SP140L: variants seen among roughly 807,000 people sequenced by gnomAD.
SP140L encodes SP140 like nuclear body protein, also known as nuclear body protein SP140-like protein.
In SP140L, 64 loss-of-function variants were observed where a neutral mutation model predicts 84.3. The ratio of observed to expected loss-of-function variants is 0.76; its 90% confidence interval spans 0.62 to 0.94. The LOEUF is 0.94. Among genes scored for constraint, SP140L ranks in the 40% least tolerant of loss-of-function variants. SP140L has a pLI of 0.00. For synonymous variants in SP140L, 242 were observed against 236.9 expected (o/e 1.02, Z -0.20); for missense variants, 628 against 692.5 (o/e 0.91, Z 1.05).
intron 2 of SP140L, among the ~76,000 whole-genome samples, chr2:230,336,005 G>A (rs2059866932): frequency 6.6e-6 from 1 of 152,118 alleles, no homozygotes. Context: ...AATATGGCCA[G>A]GACTCACATA....
chr2:230,396,020 A>G (rs935276662), intron 13 of SP140L, among the ~76,000 whole-genome samples: 4 of 152,176 alleles, frequency 2.6e-5, no homozygotes, highest in African/African-American at 9.7e-5. Flanking sequence ...GGCCTCCAGG[A>G]CTCTGGGCCC....
intron 13 of SP140L, among the ~76,000 whole-genome samples, chr2:230,396,295 A>T (rs1298216618): frequency 6.6e-6 from 1 of 152,180 alleles, no homozygotes; most frequent in East Asian, 1.9e-4. Context: ...ATCAGATATG[A>T]GGTAAAGGGA....
intron 16 of SP140L, 80 bp from the exon 17 acceptor site, chr2:230,401,286 G>A: frequency 3.1e-6 from 5 of 1,610,360 alleles, no homozygotes; most frequent in East Asian, 2.2e-5. Context: ...GAAGAAGGGT[G>A]TGAGTCGTGT....
chr2:230,354,842 A>AAG (rs1290729833), intron 2 of SP140L, among the ~76,000 whole-genome samples: 8 of 126,488 alleles, frequency 6.3e-5, no homozygotes, highest in Non-Finnish European at 1.0e-4. Context: ...ACAAGAAAGA[A>AAG]AGAAAGGAAA....
At chr2:230,365,645 A>G (rs1420880786) in intron 5 of SP140L, among the ~76,000 whole-genome samples, 6 of 151,494 alleles carry the variant, frequency 4.0e-5, no homozygotes, top group Admixed American at 3.9e-4. Flanking sequence ...CTGATCTAAT[A>G]TTTATTATTT....
At chr2:230,385,929 G>A (rs1474173222) in intron 9 of SP140L, among the ~76,000 whole-genome samples, 1 of 152,162 alleles carries the variant, frequency 6.6e-6, no homozygotes, top group Non-Finnish European at 1.5e-5. Flanking sequence ...GATTGGGGAG[G>A]TGAGAGAAAG....
intron 5 of SP140L, among the ~76,000 whole-genome samples, chr2:230,367,295 C>CTTTTTTTTTT (rs200306286): frequency 6.0e-4 from 71 of 118,036 alleles, no homozygotes; most frequent in Non-Finnish European, 7.8e-4. Flanking sequence ...TCTTTTTTTT[C>CTTTTTTTTTT]TTTTTTTTTT....
At chr2:230,388,309 T>C (rs1042037565) in intron 9 of SP140L, among the ~76,000 whole-genome samples, 2 of 152,186 alleles carry the variant, frequency 1.3e-5, no homozygotes, top group Non-Finnish European at 2.9e-5. Flanking sequence ...ATACTGTTGT[T>C]TGAGTTATAT....
At position 230,363,195 on chromosome 2, in the gene SP140L, A is replaced by G. The variant is rs551649629; in HGVS notation, c.523+1498A>G. 2.0e-5 allele frequency among the ~76,000 whole-genome samples: 3 copies of G among 152,334 alleles called. No individual in the cohort carries two copies. The South Asian group carries it at 6.2e-4, about 32-fold the overall frequency. ...GGATATATATTCAGCAGTGGGACTGATGGATCATATGGCAGTTCTATTTTT... is the reference window on the plus strand; with the variant it reads ...GGATATATATTCAGCAGTGGGACTGGTGGATCATATGGCAGTTCTATTTTT... On this transcript the variant is annotated intron_variant, in intron 5 of 18. Transcript: ENST00000415673.
intron 12 of SP140L, among the ~76,000 whole-genome samples, chr2:230,393,193 C>T (rs189931775): frequency 6.6e-6 from 1 of 152,240 alleles, no homozygotes; most frequent in African/African-American, 2.4e-5. Flanking sequence ...GAAAGAAGCA[C>T]AAGAGAAGGG....
intron 18 of SP140L, among the ~76,000 whole-genome samples, chr2:230,402,575 GCT>G (rs1162790513): frequency 3.9e-5 from 6 of 152,184 alleles, no homozygotes; most frequent in Admixed American, 2.6e-4. Context: ...AAAAATGATG[GCT>G]CTTTGAGATG....
chr2:230,364,252 G>A (rs1444674839), intron 5 of SP140L, among the ~76,000 whole-genome samples: 1 of 152,070 alleles, frequency 6.6e-6, no homozygotes, highest in African/African-American at 2.4e-5. Context: ...ACTGTGGATA[G>A]TATGAACATG....
intron 3 of SP140L, 51 bp from the exon 4 acceptor site, chr2:230,358,913 C>A (rs1575473738): frequency 6.8e-7 from 1 of 1,462,022 alleles, no homozygotes; most frequent in East Asian, 2.4e-5. Context: ...TATGGCTCTT[C>A]TGTAACTTGA....
At chr2:230,383,376 C>T (rs902514959) in intron 7 of SP140L, 134 bp from the exon 8 acceptor site, 2 of 841,702 alleles carry the variant, frequency 2.4e-6, no homozygotes, top group African/African-American at 1.7e-5. Context: ...CACACTGCTA[C>T]ACTGATCATA....
At chr2:230,352,892 TA>T (rs1271793830) in intron 2 of SP140L, among the ~76,000 whole-genome samples, 1 of 151,974 alleles carries the variant, frequency 6.6e-6, no homozygotes, top group East Asian at 1.9e-4. Context: ...GTGGTAATAG[TA>T]GACATTCCTA....
chr2:230,359,468 C>A (rs1218425178), intron 4 of SP140L, among the ~76,000 whole-genome samples: 3 of 152,186 alleles, frequency 2.0e-5, no homozygotes, highest in African/African-American at 4.8e-5. Flanking sequence ...ACCTACACAG[C>A]AGTCCACTAA....
intron 2 of SP140L, among the ~76,000 whole-genome samples, chr2:230,355,334 T>C (rs1041395608): frequency 1.3e-5 from 2 of 152,158 alleles, no homozygotes; most frequent in African/African-American, 4.8e-5. Context: ...AAAAGCAGTA[T>C]CCTTTAAAGT....
intron 8 of SP140L, 58 bp from the exon 9 acceptor site, chr2:230,385,166 C>G: frequency 6.4e-7 from 1 of 1,572,804 alleles, no homozygotes. Context: ...TTTGGTCCAG[C>G]CTGTGAGCTG....
chr2:230,400,802 C>T (rs2062297515), intron 15 of SP140L, 153 bp from the exon 16 acceptor site: 1 of 1,546,856 alleles, frequency 6.5e-7, no homozygotes, highest in African/African-American at 1.4e-5. Flanking sequence ...GGCTGGAGAC[C>T]CCATGTGCAG....
Sources: gnomAD v4.1 joint callset for allele counts (sites outside exome capture counted in the v4.1 genomes callset) on GRCh38, gnomAD v4.1.1 for gene constraint, MANE v1.5 for transcripts, NCBI Gene and HGNC (gene_info 2026-07-23, HGNC 2026-07-21) for gene names.